The following KLHL31 variants were observed in gnomAD, a reference collection of about 807,000 sequenced individuals.
KLHL31 encodes kelch like family member 31, also known as kelch-like protein 31.
Under a neutral mutation model 47.1 loss-of-function variants are expected in KLHL31, and 32 were observed. The ratio of observed to expected loss-of-function variants is 0.68; its 90% CI spans 0.51 to 0.91. The LOEUF is 0.91. KLHL31 is among the 40% of genes least tolerant of loss of function. KLHL31 has a pLI of 0.00. For synonymous variants in KLHL31, 330 were observed against 325.1 expected (o/e 1.01, Z -0.16); for missense variants, 797 against 819.3 (o/e 0.97, Z 0.33).
At chr6:53,663,386 C>A (rs80266377) in intron 1 of KLHL31, among the ~76,000 whole-genome samples, 1 of 152,100 alleles carries the variant, frequency 6.6e-6, no homozygotes, top group African/African-American at 2.4e-5. Flanking sequence ...GGGGACACAT[C>A]GATCCTGTGG....
At position 53,654,507 on chromosome 6, in the gene KLHL31, T is replaced by G; in HGVS notation, c.766A>C (p.Ser256Arg). 1.2e-6 allele frequency: 2 copies of G among 1,614,228 alleles called. No homozygotes were observed. The highest frequency in any genetic ancestry group is 1.7e-6 in the Non-Finnish European group (2 of 1,180,046). The change falls in exon 2 of 3, where the codon AGC (serine) becomes CGC (arginine). Residue 256 changes from serine (S) to arginine (R), a missense_variant. Physicochemically the swap from Ser to Arg is moderately radical, Grantham distance 110. Transcript: ENST00000370905. ...GAGATGGTACCAAAGCGAATATTGC[T>G]CAAAAGATCTGCAGCGTATTTTACT... ...KRVKYAADLL[S>R]NIRFGTISAQ...
At chr6:53,652,456 C>A in intron 2 of KLHL31, 126 bp from the exon 3 acceptor site, 1 of 1,155,816 alleles carries the variant, frequency 8.7e-7, no homozygotes, top group Admixed American at 2.0e-5. Flanking sequence ...TGGCCCAGCA[C>A]CTCACCTGGA....
intron 1 of KLHL31, among the ~76,000 whole-genome samples, chr6:53,656,584 T>C (rs1764564226): frequency 6.6e-6 from 1 of 152,112 alleles, no homozygotes; most frequent in South Asian, 2.1e-4. Flanking sequence ...GTATATATAT[T>C]AAGATAAATG....
intron 1 of KLHL31, among the ~76,000 whole-genome samples, chr6:53,660,880 C>A (rs1057322162): frequency 6.6e-6 from 1 of 152,182 alleles, no homozygotes; most frequent in Non-Finnish European, 1.5e-5. Flanking sequence ...CCGAATTTTC[C>A]TATGTAAACT....
intron 1 of KLHL31, 111 bp downstream of exon 1, chr6:53,665,490 A>G (rs1466057651): frequency 6.6e-6 from 1 of 152,256 alleles, no homozygotes; most frequent in African/African-American, 2.4e-5. Flanking sequence ...TCCCTTCAGT[A>G]AAATAGCTCT....
intron 1 of KLHL31, among the ~76,000 whole-genome samples, chr6:53,657,610 TTG>T (rs57566339): frequency 0.072 from 9,945 of 138,674 alleles, 726 homozygotes; most frequent in African/African-American, 0.2. Context: ...TGTTTTTGTT[TTG>T]TGTGTGTGTG....
chr6:53,663,703 A>G (rs375027739), intron 1 of KLHL31, among the ~76,000 whole-genome samples: 2 of 152,248 alleles, frequency 1.3e-5, no homozygotes, highest in Non-Finnish European at 2.9e-5. Context: ...GACACAGTAC[A>G]AAGTTTTTGT....
intron 1 of KLHL31, among the ~76,000 whole-genome samples, chr6:53,658,809 A>C (rs1044942294): frequency 6.6e-6 from 1 of 152,208 alleles, no homozygotes; most frequent in Non-Finnish European, 1.5e-5. Context: ...TGAGTCAAAA[A>C]AGAAATCACA....
In KLHL31 at chr6:53,654,638, G is replaced by T. The variant is rs376786544; in HGVS notation, c.635C>A (p.Thr212Lys). ...FAESDQFMKL[T>K]FEQINELLID... ...AAGAAGTTCATTAATTTGTTCAAATGTAAGTTTCATAAACTGATCCGATTC... is the reference window on the plus strand; with the variant it reads ...AAGAAGTTCATTAATTTGTTCAAATTTAAGTTTCATAAACTGATCCGATTC... Residue 212 changes from threonine to lysine, a missense_variant, in exon 2 of 3, where the codon ACA becomes AAA. Transcript: ENST00000370905. 6.2e-7 allele frequency: 1 copy of T among 1,614,026 alleles called. No homozygotes were observed.
rs1333004367 is a variant in KLHL31 at position 53,654,303 on chromosome 6, G to C, written c.970C>G (p.Arg324Gly). 1 of 1,614,156 alleles carries C rather than the reference G, an allele frequency of 6.2e-7. No individual in the cohort carries two copies. Among genetic ancestry groups the C allele is most frequent in the Non-Finnish European group, 8.5e-7 (1 of 1,180,018 alleles). ...AGGGACTTCTCAGTAAGGCCTGGGC[G>C]TCCCCCAACAGTGACGAGGACTCGG... ...GCRVLVTVGG[R>G]PGLTEKSLSR... is the part of the protein sequence containing the mutation. The change falls in exon 2 of 3, where the codon CGC (arginine) becomes GGC (glycine). Residue 324 changes from arginine (R) to glycine (G), a missense_variant. Physicochemically the swap from Arg to Gly is moderately radical, Grantham distance 125 (BLOSUM62 -2). Transcript: ENST00000370905.
At position 53,650,649 on chromosome 6, in the gene KLHL31, G is replaced by A. The variant is rs1393664966; in HGVS notation, c.*949C>T. The A allele has an allele frequency of 6.6e-6, 1 of 152,146 alleles. No homozygotes were observed. Among genetic ancestry groups the A allele is most frequent in the Non-Finnish European group, 1.5e-5 (1 of 68,028 alleles). 9.4% of individuals were successfully genotyped at this position (152,146 alleles called of 1,614,324 possible). ...AAGCTCTCTAAGCTTAAGGCTAATG[G>A]TCCTTAGGGACATAGTTTTATTTGG... On this transcript the variant is annotated 3_prime_UTR_variant, in exon 3 of 3. Transcript: ENST00000370905.
chr6:53,660,394 T>A (rs1581791131), intron 1 of KLHL31, among the ~76,000 whole-genome samples: 1 of 152,238 alleles, frequency 6.6e-6, no homozygotes, highest in Admixed American at 6.5e-5. Flanking sequence ...ACTTATGTAT[T>A]TATATATTTT....
In KLHL31 at chr6:53,654,847, G is replaced by C. The variant is rs748284045; in HGVS notation, c.426C>G (p.Ser142Arg). The C allele has an allele frequency of 1.2e-6, 2 of 1,614,168 alleles. No homozygotes were observed. Among genetic ancestry groups the C allele is most frequent in the South Asian group, 1.1e-5 (1 of 91,076 alleles). Residue 142 changes from serine to arginine, a missense_variant, in exon 2 of 3, where the codon AGC (serine) becomes AGG (arginine). Ser to Arg is a moderately radical substitution (Grantham distance 110). Coordinates refer to ENST00000370905, the MANE Select transcript of KLHL31 (RefSeq NM_001003760.5). ...KLTLSLYTIGSIISAAVYLQI... is the reference protein window; with the variant it reads ...KLTLSLYTIGRIISAAVYLQI... ...GAAGATAAACAGCAGCAGAAATAAT[G>C]CTTCCTATTGTATACAAGGAGAGAG...
chr6:53,658,972 C>G (rs1200364873), intron 1 of KLHL31, among the ~76,000 whole-genome samples: 1 of 152,296 alleles, frequency 6.6e-6, no homozygotes, highest in Admixed American at 6.5e-5. Context: ...AATAATAGTG[C>G]CTGCCTCTAG....
In KLHL31 at chr6:53,651,029, T is replaced by C. The variant is rs1368914211; in HGVS notation, c.*569A>G. 6.6e-6 allele frequency: 1 copy of C among 152,210 alleles called. No individual in the cohort carries two copies. Among genetic ancestry groups the C allele is most frequent in the Non-Finnish European group, 1.5e-5 (1 of 68,060 alleles). 9.4% of individuals were successfully genotyped at this position (152,210 alleles called of 1,614,324 possible). ...TCTTGTTTTAAGCTTTATTACGTTG[T>C]CATGGGATATCTTTCAAAATCCTTT... On this transcript the variant is annotated 3_prime_UTR_variant, in exon 3 of 3. Coordinates refer to ENST00000370905, the MANE Select transcript of KLHL31 (RefSeq NM_001003760.5).
At position 53,651,593 on chromosome 6, in the gene KLHL31, T is replaced by C. The variant is rs750678659; in HGVS notation, c.*5A>G. 5.6e-6 allele frequency: 9 copies of C among 1,605,722 alleles called. No individual in the cohort carries two copies. In the Admixed American group the frequency reaches 1.2e-4, roughly 21 times the overall value. ...TTCTTCCTGCGTCCCTGCATCTACC[T>C]GGGCTCAGATACTGACTGGCACAGA... On this transcript the variant is annotated 3_prime_UTR_variant, in exon 3 of 3. Coordinates refer to ENST00000370905, the MANE Select transcript of KLHL31 (RefSeq NM_001003760.5).
At chr6:53,661,694 G>A (rs1458360312) in intron 1 of KLHL31, among the ~76,000 whole-genome samples, 2 of 152,148 alleles carry the variant, frequency 1.3e-5, no homozygotes, top group Admixed American at 6.5e-5. Context: ...ATATTAACAT[G>A]TAGTCAGAGC....
At position 53,654,332 on chromosome 6, in the gene KLHL31, C is replaced by T. The variant is rs1200026120; in HGVS notation, c.941G>A (p.Gly314Asp). The T allele has an allele frequency of 1.9e-6, 3 of 1,614,136 alleles. No individual in the cohort carries two copies. Among genetic ancestry groups the T allele is most frequent in the East Asian group, 2.2e-5 (1 of 44,880 alleles). ...CCCAACAGTGACGAGGACTCGGCAGCCACCTCGGATTCTTGTTCGCCTAGA... is the reference window on the plus strand; with the variant it reads ...CCCAACAGTGACGAGGACTCGGCAGTCACCTCGGATTCTTGTTCGCCTAGA... Reference protein sequence around the residue: ...LQSRRTRIRGGCRVLVTVGGR... With the variant: ...LQSRRTRIRGDCRVLVTVGGR... The change falls in exon 2 of 3, where the codon GGC (glycine) becomes GAC (aspartate). Residue 314 changes from glycine to aspartate, a missense_variant. Physicochemically the swap from Gly to Asp is moderately conservative, Grantham distance 94. Coordinates refer to ENST00000370905, the MANE Select transcript of KLHL31 (RefSeq NM_001003760.5).
In KLHL31 at chr6:53,654,303, G is replaced by T; in HGVS notation, c.970C>A (p.Arg324Ser). The change falls in exon 2 of 3, where the codon CGC becomes AGC. Residue 324 changes from arginine to serine, a missense_variant. Physicochemically the swap from Arg to Ser is moderately radical, Grantham distance 110. Coordinates refer to ENST00000370905, the MANE Select transcript of KLHL31 (RefSeq NM_001003760.5). ...AGGGACTTCTCAGTAAGGCCTGGGC[G>T]TCCCCCAACAGTGACGAGGACTCGG... Reference protein sequence around the residue: ...GCRVLVTVGGRPGLTEKSLSR... With the variant: ...GCRVLVTVGGSPGLTEKSLSR... The T allele has an allele frequency of 6.2e-7, 1 of 1,614,156 alleles. No individual in the cohort carries two copies.
Sources: gnomAD v4.1 joint callset for allele counts (sites outside exome capture counted in the v4.1 genomes callset) on GRCh38, gnomAD v4.1.1 for gene constraint, MANE v1.5 for transcripts, NCBI Gene and HGNC (gene_info 2026-07-23, HGNC 2026-07-21) for gene names.